Variants in SEC22C observed in about 807,000 individuals in gnomAD.
SEC22C encodes vesicle-trafficking protein SEC22c.
In SEC22C, 29 loss-of-function variants were observed where a neutral mutation model predicts 34.7. That is an observed-to-expected ratio of 0.84 (90% confidence interval 0.62 to 1.14). The LOEUF (loss-of-function observed/expected upper bound fraction) is 1.14. SEC22C is among the 50% of genes most tolerant of loss of function. The pLI is 0.00. For missense variants in SEC22C, 337 were observed against 369.0 expected (o/e 0.91, Z 0.71); for synonymous variants, 117 against 132.8 (o/e 0.88, Z 0.82).
chr3:42,595,350 A>G (rs917777564), intron 1 of SEC22C, among the ~76,000 whole-genome samples: 1 of 152,194 alleles, frequency 6.6e-6, no homozygotes, highest in Non-Finnish European at 1.5e-5. Flanking sequence ...CGTGTTCTAC[A>G]TACAGTTGTA....
In SEC22C at chr3:42,553,240, T is replaced by C. The variant is rs1298416477; in HGVS notation, c.*8A>G. The C allele has an allele frequency of 2.5e-6, 4 of 1,613,904 alleles. No homozygotes were observed. Among genetic ancestry groups the C allele is most frequent in the East Asian group, 2.2e-5 (1 of 44,890 alleles). ...AAATCAAAGAATCCATTCATCACAG[T>C]GTCATCCTCATACTCCACAGTCAGA... is the stretch of plus-strand genomic sequence containing the variant. On this transcript the variant is annotated 3_prime_UTR_variant, in exon 7 of 7. Transcript: ENST00000264454.
intron 1 of SEC22C, chr3:42,595,018 T>A (rs1704988487): frequency 6.6e-6 from 1 of 152,394 alleles, no homozygotes; most frequent in Non-Finnish European, 1.5e-5. Flanking sequence ...GTATAGAAGT[T>A]TTCATGTAAT....
intron 6 of SEC22C, among the ~76,000 whole-genome samples, chr3:42,554,862 C>T (rs1702432606): frequency 6.6e-6 from 1 of 152,122 alleles, no homozygotes; most frequent in Admixed American, 6.5e-5. Context: ...CTTTATGCCA[C>T]CCCTTAGTAC....
chr3:42,560,114 CTCTCTCTATA>C (rs200724004), intron 4 of SEC22C, among the ~76,000 whole-genome samples: 6,991 of 114,442 alleles, frequency 0.061, 304 homozygotes, highest in African/African-American at 0.18. Context: ...CTCTCTCTCT[CTCTCTCTATA>C]TATATATATA....
intron 1 of SEC22C, among the ~76,000 whole-genome samples, chr3:42,596,843 G>A (rs1336689234): frequency 6.6e-6 from 1 of 152,184 alleles, no homozygotes; most frequent in Non-Finnish European, 1.5e-5. Context: ...AGAAAGAAGA[G>A]AATTGCTGGA....
At chr3:42,554,759 T>G (rs556943255) in intron 6 of SEC22C, among the ~76,000 whole-genome samples, 1 of 152,296 alleles carries the variant, frequency 6.6e-6, no homozygotes, top group South Asian at 2.1e-4. Flanking sequence ...GAGACAGTGC[T>G]AAAATCCTAG....
intron 1 of SEC22C, among the ~76,000 whole-genome samples, chr3:42,569,866 T>C (rs1284237238): frequency 6.6e-6 from 1 of 152,222 alleles, no homozygotes; most frequent in Non-Finnish European, 1.5e-5. Flanking sequence ...GCACCATTTC[T>C]GCTAGCAGAG....
rs749252055 is a variant in SEC22C, at chr3:42,550,458, TC to T, written c.*2789del. 1.7e-5 allele frequency: 17 copies of T among 985,424 alleles called. No individual in the cohort carries two copies. Among genetic ancestry groups the T allele is most frequent in the Non-Finnish European group, 2.0e-5 (17 of 829,928 alleles). 61.0% of individuals were successfully genotyped at this position (985,424 alleles called of 1,614,324 possible). Reference sequence around the variant, plus strand: ...CAAGTCAAACCTAAGCCTGGGGATTTCCCTCGGATGAAATCACCAGAACTTC... The same window carrying T: ...CAAGTCAAACCTAAGCCTGGGGATTTCCTCGGATGAAATCACCAGAACTTC... On this transcript the variant is annotated 3_prime_UTR_variant, in exon 7 of 7. Transcript: ENST00000264454.
At chr3:42,579,772 C>T (rs1704202167) in intron 1 of SEC22C, among the ~76,000 whole-genome samples, 1 of 152,196 alleles carries the variant, frequency 6.6e-6, no homozygotes, top group Admixed American at 6.5e-5. Flanking sequence ...TTGCCTGGTA[C>T]ATATTAGGAA....
intron 5 of SEC22C, among the ~76,000 whole-genome samples, chr3:42,556,394 C>T (rs1445697743): frequency 6.6e-6 from 1 of 152,242 alleles, no homozygotes; most frequent in Non-Finnish European, 1.5e-5. Context: ...ATGTCTTAAC[C>T]ATCTTGCTGG....
chr3:42,598,326 A>ATT (rs1417431695), intron 1 of SEC22C, among the ~76,000 whole-genome samples: 17 of 140,836 alleles, frequency 1.2e-4, no homozygotes, highest in South Asian at 2.3e-4. Flanking sequence ...AAAAGAACAA[A>ATT]TTTTTTTTTT....
chr3:42,564,010 C>T, intron 2 of SEC22C: 1 of 1,123,636 alleles, frequency 8.9e-7, no homozygotes, highest in South Asian at 1.6e-5. Context: ...CTTCTTTAAT[C>T]TACATCAACA....
At chr3:42,571,522 TGC>T (rs1245090235) in intron 1 of SEC22C, among the ~76,000 whole-genome samples, 1 of 152,220 alleles carries the variant, frequency 6.6e-6, no homozygotes, top group Non-Finnish European at 1.5e-5. Context: ...TTTTATAGGC[TGC>T]CACGGAAGAG....
At position 42,551,079 on chromosome 3, in the gene SEC22C, G is replaced by A. The variant is rs917386031; in HGVS notation, c.*2169C>T. ...AGATGGGGTTTCACCATGTTAGCCA[G>A]GATGGTCTCGATCTCTTGACCTCGT... On this transcript the variant is annotated 3_prime_UTR_variant, in exon 7 of 7. Transcript: ENST00000264454. 1.4e-5 allele frequency: 13 copies of A among 955,212 alleles called. No individual in the cohort carries two copies. The highest frequency in any genetic ancestry group is 1.6e-5 in the Non-Finnish European group (13 of 802,520). The allele number at this position is 955,212 out of a possible 1,614,324, so 59.2% of individuals were successfully genotyped here.
In SEC22C at chr3:42,550,092, C is replaced by T; in HGVS notation, c.*3156G>A. 1.0e-6 allele frequency: 1 copy of T among 985,470 alleles called. No individual in the cohort carries two copies. The highest frequency in any genetic ancestry group is 1.2e-6 in the Non-Finnish European group (1 of 829,964). 61.0% of individuals were successfully genotyped at this position (985,470 alleles called of 1,614,324 possible). On this transcript the variant is annotated 3_prime_UTR_variant, in exon 7 of 7. Coordinates refer to ENST00000264454, the MANE Select transcript of SEC22C (RefSeq NM_032970.4). ...ATTAGCATATTAGGGAAGGGGAAAC[C>T]TTTTGGGCTCTGGCCCCGTGGTTGG...
intron 2 of SEC22C, chr3:42,563,932 T>A (rs552397357): frequency 3.8e-5 from 53 of 1,385,390 alleles, no homozygotes; most frequent in Non-Finnish European, 5.0e-5. Context: ...TATTCATGCA[T>A]GAGGGATGCA....
At chr3:42,599,265 A>G (rs1459998262) in intron 1 of SEC22C, among the ~76,000 whole-genome samples, 2 of 150,422 alleles carry the variant, frequency 1.3e-5, no homozygotes, top group Non-Finnish European at 3.0e-5. Context: ...ACGCCCGCCC[A>G]TGTAATGTGT....
chr3:42,594,316 G>T, intron 1 of SEC22C: 1 of 775,646 alleles, frequency 1.3e-6, no homozygotes, highest in Non-Finnish European at 2.3e-6. Context: ...GAATCATCCA[G>T]TCAGTGGATG....
chr3:42,596,950 G>T (rs1019710584), intron 1 of SEC22C, among the ~76,000 whole-genome samples: 2 of 152,212 alleles, frequency 1.3e-5, no homozygotes, highest in Non-Finnish European at 2.9e-5. Flanking sequence ...TTACATTGAA[G>T]CCTGATGTCC....
Sources: gnomAD v4.1 joint callset for allele counts (sites outside exome capture counted in the v4.1 genomes callset) on GRCh38, gnomAD v4.1.1 for gene constraint, MANE v1.5 for transcripts, NCBI Gene and HGNC (gene_info 2026-07-23, HGNC 2026-07-21) for gene names.